Variants in DTNB observed in about 807,000 individuals in gnomAD.
The protein encoded by DTNB is dystrobrevin beta.
In DTNB, 63 loss-of-function variants were observed where a neutral mutation model predicts 90.7. That is an observed-to-expected ratio of 0.69 (90% confidence interval 0.57 to 0.86). The LOEUF (loss-of-function observed/expected upper bound fraction) is 0.86, where lower values mean the gene tolerates loss of function less well. DTNB is among the 40% of genes least tolerant of loss of function. DTNB has a pLI of 0.00. For synonymous variants in DTNB, 277 were observed against 286.7 expected (o/e 0.97, Z 0.34); for missense variants, 744 against 807.1 (o/e 0.92, Z 0.95).
intron 9 of DTNB, among the ~76,000 whole-genome samples, chr2:25,521,673 A>C (rs1425232756): frequency 1.3e-5 from 2 of 152,198 alleles, no homozygotes; most frequent in African/African-American, 4.8e-5. Flanking sequence ...TGGGTGAGCC[A>C]CTGAGGCCAG....
intron 8 of DTNB, among the ~76,000 whole-genome samples, chr2:25,547,393 C>A (rs1039170586): frequency 6.8e-6 from 1 of 146,310 alleles, no homozygotes; most frequent in Non-Finnish European, 1.5e-5. Flanking sequence ...GGCACAATCT[C>A]GGCTCACTGC....
chr2:25,619,392 T>C (rs946538015), intron 4 of DTNB, among the ~76,000 whole-genome samples: 1 of 152,252 alleles, frequency 6.6e-6, no homozygotes, highest in Non-Finnish European at 1.5e-5. Context: ...AGTGAATGGA[T>C]GTTGCAATAA....
chr2:25,476,776 A>C (rs1348951764), intron 10 of DTNB, among the ~76,000 whole-genome samples: 1 of 152,240 alleles, frequency 6.6e-6, no homozygotes, highest in East Asian at 1.9e-4. Flanking sequence ...TTGAGATGGA[A>C]TCTACTGGTT....
At chr2:25,613,341 C>G (rs747007438) in intron 4 of DTNB, among the ~76,000 whole-genome samples, 1 of 152,164 alleles carries the variant, frequency 6.6e-6, no homozygotes, top group Non-Finnish European at 1.5e-5. Context: ...ATAATCCTAT[C>G]ACCCAGGTAG....
intron 10 of DTNB, among the ~76,000 whole-genome samples, chr2:25,465,507 A>G (rs987818053): frequency 6.6e-6 from 1 of 152,208 alleles, no homozygotes; most frequent in African/African-American, 2.4e-5. Context: ...CTTTTTAAAA[A>G]TCAAATCCCA....
In DTNB at chr2:25,536,567, C is replaced by T. The variant is rs899968898; in HGVS notation, c.877-4970G>A. On this transcript the variant is annotated intron_variant, in intron 8 of 20. Transcript: ENST00000406818. ...AAACACAAAAACCCCTAAGGAGTGG[C>T]GGCGTGTGCCTGGAATCCCAGGCAC... Among the ~76,000 whole-genome samples the T allele has an allele frequency of 2.0e-4, 31 of 152,114 alleles. No homozygotes were observed. In the East Asian group the frequency reaches 2.1e-3, roughly 10 times the overall value.
intron 1 of DTNB, among the ~76,000 whole-genome samples, chr2:25,671,024 T>G (rs1158576248): frequency 6.6e-6 from 1 of 152,240 alleles, no homozygotes; most frequent in Non-Finnish European, 1.5e-5. Flanking sequence ...ACAGTGCTTG[T>G]GTTCAAGTGA....
intron 8 of DTNB, among the ~76,000 whole-genome samples, chr2:25,549,207 T>C (rs1160462688): frequency 2.0e-5 from 3 of 151,854 alleles, no homozygotes; most frequent in Admixed American, 6.6e-5. Flanking sequence ...ATTACTGATA[T>C]ATATATCAGT....
At chr2:25,637,105 G>A (rs1279008021) in intron 3 of DTNB, among the ~76,000 whole-genome samples, 2 of 151,892 alleles carry the variant, frequency 1.3e-5, no homozygotes, top group African/African-American at 4.8e-5. Context: ...CAAGAAATGG[G>A]GAAAGGATTC....
intron 4 of DTNB, among the ~76,000 whole-genome samples, chr2:25,610,205 G>T (rs2068222901): frequency 6.6e-6 from 1 of 152,026 alleles, no homozygotes; most frequent in Admixed American, 6.6e-5. Flanking sequence ...CAACCTCCTG[G>T]GCTCAAACAA....
At chr2:25,467,461 G>A (rs2062011081) in intron 10 of DTNB, among the ~76,000 whole-genome samples, 1 of 151,834 alleles carries the variant, frequency 6.6e-6, no homozygotes, top group African/African-American at 2.4e-5. Context: ...ATCAGGCCCA[G>A]ACAGGTAAAG....
chr2:25,545,648 T>C (rs576950023), intron 8 of DTNB, among the ~76,000 whole-genome samples: 3 of 152,304 alleles, frequency 2.0e-5, no homozygotes, highest in Non-Finnish European at 4.4e-5. Context: ...TTGTTTATTT[T>C]TGAGACAGAG....
At chr2:25,405,242 TAAAAATAAAATGTTCTGGC>T (rs2044793805) in intron 16 of DTNB, among the ~76,000 whole-genome samples, 2 of 152,064 alleles carry the variant, frequency 1.3e-5, no homozygotes, top group South Asian at 4.1e-4. Context: ...TAACCACCAT[TAAAAATAAAATGTTCTGGC>T]GGGGTGTGGT....
Position 25,388,335 on chromosome 2 carries a change from T to G in DTNB, c.1602A>C (p.Thr534=). 1 of 1,612,366 alleles carries G rather than the reference T, an allele frequency of 6.2e-7. No individual in the cohort carries two copies. Among genetic ancestry groups the G allele is most frequent in the South Asian group, 1.1e-5 (1 of 90,930 alleles). ...GCCGGCCGCCTCCATGGGTGGGCGA[T>G]GTATGTGGTGACCCTGTGGCCTGAG... ...QAAQATGSPH[T]SPTHGGGRPM... is the part of the protein sequence containing the mutation. Residue 534 remains threonine (T), a synonymous_variant, in exon 17 of 21, where the codon ACA becomes ACC. Coordinates refer to ENST00000406818, the MANE Select transcript of DTNB (RefSeq NM_021907.5).
At chr2:25,604,399 TTCTC>T (rs112805986) in intron 5 of DTNB, among the ~76,000 whole-genome samples, 119 of 149,276 alleles carry the variant, frequency 8.0e-4, no homozygotes, top group African/African-American at 1.4e-3. Flanking sequence ...TCTCCCTTCT[TTCTC>T]TCTCTCTCTC....
chr2:25,541,772 A>C (rs1468911550), intron 8 of DTNB, among the ~76,000 whole-genome samples: 1 of 152,160 alleles, frequency 6.6e-6, no homozygotes, highest in Non-Finnish European at 1.5e-5. Context: ...TTGGTTATAT[A>C]CCCATAAGTG....
chr2:25,577,002 A>G lies in DTNB; in HGVS notation c.712T>C (p.Phe238Leu), dbSNP rs374285205. The G allele has an allele frequency of 1.9e-6, 3 of 1,604,582 alleles. No individual in the cohort carries two copies. Among genetic ancestry groups the G allele is most frequent in the South Asian group, 2.2e-5 (2 of 89,406 alleles). ...MHRLAHVENVFHPVECSYCRC... is the reference protein window; with the variant it reads ...MHRLAHVENVLHPVECSYCRC... ...CAGTAGGAGCACTCCACGGGATGGA[A>G]GACTTGTGGACAGGAGAGAAAAGGG... Residue 238 changes from phenylalanine (F) to leucine (L), a missense_variant and splice_region_variant, in exon 8 of 21, where the codon TTC becomes CTC. Physicochemically the swap from Phe to Leu is conservative, Grantham distance 22. Transcript: ENST00000406818.
chr2:25,521,386 ATTTTTTTTT>A (rs58602052), intron 9 of DTNB, among the ~76,000 whole-genome samples: 1 of 137,944 alleles, frequency 7.2e-6, no homozygotes, highest in Non-Finnish European at 1.6e-5. Context: ...TGTCCCAATA[ATTTTTTTTT>A]TTTTTTTTTT....
At chr2:25,556,644 AG>A (rs1409441223) in intron 8 of DTNB, among the ~76,000 whole-genome samples, 1 of 152,196 alleles carries the variant, frequency 6.6e-6, no homozygotes, top group Admixed American at 6.5e-5. Context: ...TGATTATAAC[AG>A]TGTGAAAAGT....
Sources: allele counts gnomAD v4.1 joint callset (sites outside exome capture counted in the v4.1 genomes callset), GRCh38; gene constraint gnomAD v4.1.1; transcripts MANE v1.5; gene names NCBI Gene and HGNC (gene_info 2026-07-23, HGNC 2026-07-21).